The following AOPEP variants were observed in gnomAD, a reference collection of about 807,000 sequenced individuals.
The protein encoded by AOPEP is aminopeptidase O (putative).
AOPEP carries 77 observed loss-of-function variants against 98.1 expected under a neutral mutation model. That is an observed-to-expected ratio of 0.78 (90% CI 0.65 to 0.95). AOPEP has a LOEUF of 0.95. Among genes scored for constraint, AOPEP ranks in the 40% least tolerant of loss-of-function variants. The pLI is 0.00. For synonymous variants in AOPEP, 346 were observed against 365.3 expected, an observed-to-expected ratio of 0.95 and a Z score of 0.60; for missense variants, 1,024 against 1,024.7, an observed-to-expected ratio of 1.00 and a Z score of 0.01.
intron 5 of AOPEP, among the ~76,000 whole-genome samples, chr9:94,892,000 A>G (rs1564333163): frequency 6.6e-6 from 1 of 152,214 alleles, no homozygotes; most frequent in Non-Finnish European, 1.5e-5. Flanking sequence ...CTTGAAAAAT[A>G]TTATGCATCT....
chr9:94,954,898 T>A (rs1257070828), intron 7 of AOPEP, among the ~76,000 whole-genome samples: 1 of 152,218 alleles, frequency 6.6e-6, no homozygotes, highest in African/African-American at 2.4e-5. Flanking sequence ...CGTTCTTAGA[T>A]AATTTATAGT....
intron 1 of AOPEP, among the ~76,000 whole-genome samples, chr9:94,742,472 G>C (rs1341463645): frequency 6.6e-6 from 1 of 150,838 alleles, no homozygotes; most frequent in East Asian, 1.9e-4. Context: ...TCACTCTGTC[G>C]CCAGGCTGAT....
rs948469533 is a variant in AOPEP at position 94,818,851 on chromosome 9, G to A, written c.1364+17849G>A. ...GTACTAAAAATACAAAAAATTAGCCGGGCATGGTGGCGGGCACCTGTAGCC... is the reference window on the plus strand; with the variant it reads ...GTACTAAAAATACAAAAAATTAGCCAGGCATGGTGGCGGGCACCTGTAGCC... On this transcript the variant is annotated intron_variant, in intron 5 of 16. Transcript: ENST00000375315. 2.0e-4 allele frequency among the ~76,000 whole-genome samples: 30 copies of A among 152,168 alleles called. No individual in the cohort carries two copies. In the East Asian group the frequency reaches 4.6e-3, roughly 24 times the overall value.
the AOPEP span, chr9:95,101,661 C>T: frequency 1.6e-5 from 26 of 1,610,136 alleles, no homozygotes; most frequent in African/African-American, 2.4e-4. Context: ...GTGGCCCTGG[C>T]GAGCCTGATC....
intron 7 of AOPEP, chr9:94,932,561 G>T (rs534757433): frequency 1.3e-5 from 2 of 154,312 alleles, no homozygotes; most frequent in Admixed American, 1.4e-4. Flanking sequence ...TCTGCTCACT[G>T]CAACCTCTGC....
At chr9:95,096,618 G>A in the AOPEP span, among the ~76,000 whole-genome samples, 1 of 152,144 alleles carries the variant, frequency 6.6e-6, no homozygotes, top group Non-Finnish European at 1.5e-5. Context: ...CCAGCCTCTA[G>A]GTGGAGTCCA....
At chr9:94,911,840 G>T (rs1037124381) in intron 5 of AOPEP, among the ~76,000 whole-genome samples, 1 of 152,124 alleles carries the variant, frequency 6.6e-6, no homozygotes, top group Non-Finnish European at 1.5e-5. Flanking sequence ...ACCTCCCAGG[G>T]TATTTGTCTG....
chr9:94,875,736 T>A (rs4744390), intron 5 of AOPEP, among the ~76,000 whole-genome samples: 26,428 of 152,276 alleles, frequency 0.17, 3,099 homozygotes, highest in Non-Finnish European at 0.26. Flanking sequence ...GATTTCAGAA[T>A]TCCACCTGTT....
chr9:94,806,015 G>T (rs999822922), intron 5 of AOPEP, among the ~76,000 whole-genome samples: 1 of 152,124 alleles, frequency 6.6e-6, no homozygotes, highest in Non-Finnish European at 1.5e-5. Flanking sequence ...TTTGTTCTTT[G>T]TTGGCTTTAC....
the AOPEP span, among the ~76,000 whole-genome samples, chr9:95,103,025 A>T: frequency 2.6e-5 from 4 of 152,262 alleles, no homozygotes; most frequent in East Asian, 7.7e-4. Context: ...CTCAGAAATG[A>T]CAGGCACATA....
chr9:94,927,603 A>G (rs2054555244), intron 6 of AOPEP, among the ~76,000 whole-genome samples: 3 of 152,258 alleles, frequency 2.0e-5, no homozygotes, highest in African/African-American at 7.2e-5. Context: ...CTGGTGGGCA[A>G]GGGGGCATCT....
At position 94,792,883 on chromosome 9, in the gene AOPEP, A is replaced by G. The variant is rs776853903; in HGVS notation, c.1083A>G (p.Thr361=). The change falls in exon 4 of 17, where the codon ACA becomes ACG. Residue 361 remains threonine, a synonymous_variant. Coordinates refer to ENST00000375315, the MANE Select transcript of AOPEP (RefSeq NM_001193329.3). ...METWSSNDLA[T]ERPFSPSEAN... Reference sequence around the variant, plus strand: ...CATGGTCATCAAATGATTTGGCAACAGAGAGACCCTTCTCACCTTCTGAGG... The same window carrying G: ...CATGGTCATCAAATGATTTGGCAACGGAGAGACCCTTCTCACCTTCTGAGG... The G allele has an allele frequency of 3.1e-6, 5 of 1,613,362 alleles. No homozygotes were observed. The highest frequency in any genetic ancestry group is 4.5e-5 in the East Asian group (2 of 44,870).
chr9:94,885,222 A>G (rs2048073033), intron 5 of AOPEP, among the ~76,000 whole-genome samples: 1 of 150,866 alleles, frequency 6.6e-6, no homozygotes, highest in South Asian at 2.1e-4. Context: ...AGTGATGTGT[A>G]CCTGTAGTCC....
rs1451279959 is a variant in AOPEP, at chr9:94,972,189, G to GTTGACT, written c.1916+4389_1916+4394dup. On this transcript the variant is annotated intron_variant, in intron 10 of 16. Coordinates refer to ENST00000375315, the MANE Select transcript of AOPEP (RefSeq NM_001193329.3). The surrounding 1 kb of genome is among the most constrained non-coding windows in gnomAD (Gnocchi z 4.2). ...TTAGAGTTGCCACAGAAAAGACTTG[G>GTTGACT]TTGACTGGTTGTGAAAGTTGAGTCC... 2.6e-5 allele frequency among the ~76,000 whole-genome samples: 4 copies of GTTGACT among 152,190 alleles called. No individual in the cohort carries two copies. The highest frequency in any genetic ancestry group is 9.7e-5 in the African/African-American group (4 of 41,432).
At chr9:95,088,436 C>T (rs975111422), downstream of AOPEP, among the ~76,000 whole-genome samples, 1 of 152,060 alleles carries the variant, frequency 6.6e-6, no homozygotes, top group Non-Finnish European at 1.5e-5. Context: ...CTCGAACTCC[C>T]GACCTCACGT....
intron 14 of AOPEP, among the ~76,000 whole-genome samples, chr9:95,079,870 C>T (rs1332890441): frequency 6.6e-6 from 1 of 152,248 alleles, no homozygotes; most frequent in Admixed American, 6.5e-5. Flanking sequence ...GAACTATCCA[C>T]TTCAGGGGTG....
intron 13 of AOPEP, among the ~76,000 whole-genome samples, chr9:95,024,898 C>A (rs1182108720): frequency 6.6e-6 from 1 of 152,090 alleles, no homozygotes; most frequent in African/African-American, 2.4e-5. Context: ...TATTATTTTG[C>A]TTTCCTATTC....
intron 7 of AOPEP, chr9:94,931,611 C>G: frequency 1.3e-6 from 1 of 751,356 alleles, no homozygotes; most frequent in Non-Finnish European, 2.2e-6. Context: ...AAAGAAGTCC[C>G]TTAAAAACAA....
intron 5 of AOPEP, among the ~76,000 whole-genome samples, chr9:94,912,361 T>C (rs1389182043): frequency 6.6e-6 from 1 of 152,174 alleles, no homozygotes; most frequent in Non-Finnish European, 1.5e-5. Flanking sequence ...GCCAGTGTCT[T>C]TGAGGTACTC....
Sources: gnomAD v4.1 joint callset for allele counts (sites outside exome capture counted in the v4.1 genomes callset) on GRCh38, gnomAD v4.1.1 for gene constraint, Gnocchi (gnomAD v3.1) non-coding constraint, MANE v1.5 for transcripts, NCBI Gene and HGNC (gene_info 2026-07-23, HGNC 2026-07-21) for gene names.